The following SLC4A10 variants were observed in gnomAD, a reference collection of about 807,000 sequenced individuals.
SLC4A10 encodes the protein sodium-driven chloride bicarbonate exchanger.
A neutral mutation model predicts 137.7 loss-of-function variants in SLC4A10; 42 were observed. The observed-to-expected ratio is 0.30, with a 90% CI of 0.24 to 0.39. The LOEUF is 0.39. Among genes scored for constraint, SLC4A10 ranks in the 10% least tolerant of loss-of-function variants. SLC4A10 has a pLI of 1.00. For missense variants in SLC4A10, 925 were observed against 1,355.0 expected, an observed-to-expected ratio of 0.68 and a Z score of 4.98; for synonymous variants, 474 against 464.1, an observed-to-expected ratio of 1.02 and a Z score of -0.27.
intron 1 of SLC4A10, among the ~76,000 whole-genome samples, chr2:161,642,865 C>G (rs1207958711): frequency 6.6e-6 from 1 of 151,970 alleles, no homozygotes; most frequent in Admixed American, 6.6e-5. Context: ...GTTTCAGCCT[C>G]TGGTTTCTTA....
At chr2:161,858,709 C>G (rs956322524) in intron 5 of SLC4A10, among the ~76,000 whole-genome samples, 11 of 152,134 alleles carry the variant, frequency 7.2e-5, no homozygotes, top group African/African-American at 2.7e-4. Flanking sequence ...AATATCCTCT[C>G]TGCAGTGTGT....
intron 1 of SLC4A10, among the ~76,000 whole-genome samples, chr2:161,682,311 A>T (rs2040944410): frequency 6.6e-6 from 1 of 152,282 alleles, no homozygotes; most frequent in East Asian, 1.9e-4. Flanking sequence ...ATTTTCTTCT[A>T]ACATTTATTA....
At chr2:161,858,046 G>A (rs1052818055) in intron 5 of SLC4A10, among the ~76,000 whole-genome samples, 9 of 151,990 alleles carry the variant, frequency 5.9e-5, no homozygotes, top group Non-Finnish European at 1.0e-4. Context: ...ATGATCATTT[G>A]TGGCCATAGT....
chr2:161,630,272 G>A (rs533423031), intron 1 of SLC4A10, among the ~76,000 whole-genome samples: 2 of 151,568 alleles, frequency 1.3e-5, no homozygotes, highest in Non-Finnish European at 3.0e-5. Flanking sequence ...TGCTTATGAG[G>A]GATATTGGTT....
intron 1 of SLC4A10, among the ~76,000 whole-genome samples, chr2:161,640,682 TG>T (rs1390260342): frequency 1.3e-5 from 2 of 148,924 alleles, no homozygotes; most frequent in Non-Finnish European, 3.0e-5. Flanking sequence ...GATGGGGTCT[TG>T]CCATGTTGCT....
rs1420884778 is a variant in SLC4A10 at position 161,964,156 on chromosome 2, T to C, written c.2884T>C (p.Phe962Leu). Residue 962 changes from phenylalanine to leucine, a missense_variant, in exon 22 of 27, where the codon TTC (phenylalanine) becomes CTC (leucine). Coordinates refer to ENST00000446997, the MANE Select transcript of SLC4A10 (RefSeq NM_001178015.2). ...TTAGTTCTTTGATAGGATAAAGCTC[T>C]TCTGGATGCCGGCAAAACATCAACC... ...GIQFFDRIKL[F>L]WMPAKHQPDF... 3.1e-6 allele frequency: 5 copies of C among 1,610,552 alleles called. No homozygotes were observed. Among genetic ancestry groups the C allele is most frequent in the Non-Finnish European group, 4.2e-6 (5 of 1,178,132 alleles).
intron 2 of SLC4A10, among the ~76,000 whole-genome samples, chr2:161,788,158 T>C (rs1327138262): frequency 6.6e-6 from 1 of 152,056 alleles, no homozygotes; most frequent in Non-Finnish European, 1.5e-5. Flanking sequence ...GGTTTCTCGG[T>C]GCCAAGACTC....
At chr2:161,937,035 T>G (rs763898334) in intron 15 of SLC4A10, among the ~76,000 whole-genome samples, 3 of 152,218 alleles carry the variant, frequency 2.0e-5, no homozygotes, top group Non-Finnish European at 2.9e-5. Flanking sequence ...GCAAGTTGTG[T>G]TTCCATTTTC....
intron 11 of SLC4A10, 120 bp from the exon 12 acceptor site, chr2:161,900,791 A>G: frequency 1.5e-6 from 1 of 661,246 alleles, no homozygotes; most frequent in Non-Finnish European, 2.6e-6. Flanking sequence ...GTAAGTACAG[A>G]GCCTGGGTTC....
At chr2:161,860,947 GAAT>G (rs1280399636) in intron 5 of SLC4A10, among the ~76,000 whole-genome samples, 1 of 152,170 alleles carries the variant, frequency 6.6e-6, no homozygotes, top group Non-Finnish European at 1.5e-5. Context: ...GTTGTGATGT[GAAT>G]ATTATATGAA....
intron 15 of SLC4A10, among the ~76,000 whole-genome samples, chr2:161,913,687 G>C (rs888175803): frequency 6.6e-6 from 1 of 151,970 alleles, no homozygotes; most frequent in Non-Finnish European, 1.5e-5. Context: ...GTAACCAAAT[G>C]AATTATAGTG....
At chr2:161,641,575 C>T (rs893376394) in intron 1 of SLC4A10, among the ~76,000 whole-genome samples, 1 of 152,028 alleles carries the variant, frequency 6.6e-6, no homozygotes, top group African/African-American at 2.4e-5. Flanking sequence ...GTAATTGTTT[C>T]ACATTCATTA....
At chr2:161,964,590 T>A (rs1170302346) in intron 22 of SLC4A10, among the ~76,000 whole-genome samples, 1 of 152,184 alleles carries the variant, frequency 6.6e-6, no homozygotes, top group African/African-American at 2.4e-5. Flanking sequence ...ACATTAAAGA[T>A]ACTAGCAAAT....
At chr2:161,893,721 T>G (rs1240162877) in intron 10 of SLC4A10, among the ~76,000 whole-genome samples, 1 of 151,354 alleles carries the variant, frequency 6.6e-6, no homozygotes, top group South Asian at 2.1e-4. Flanking sequence ...ATCAAAAATA[T>G]TCGAGGGGGG....
chr2:161,899,844 A>C (rs970879425), intron 11 of SLC4A10, among the ~76,000 whole-genome samples: 1 of 152,136 alleles, frequency 6.6e-6, no homozygotes, highest in Non-Finnish European at 1.5e-5. Context: ...CTTTAGTCTT[A>C]CTGCGTCCAT....
chr2:161,770,295 A>G (rs1476031192), intron 1 of SLC4A10, among the ~76,000 whole-genome samples: 1 of 151,954 alleles, frequency 6.6e-6, no homozygotes, highest in Non-Finnish European at 1.5e-5. Context: ...TTTTTTGAGT[A>G]CCAAATTAGT....
rs1189183204 is a variant in SLC4A10, at chr2:161,933,197, TTCTTTC to T, written c.1998-9593_1998-9588del. ...CCCCTTCCTTCTTTTCTTTCTTTCT[TTCTTTC>T]TTTCTTTCTTTCTTTCTTTCTTTCT... On this transcript the variant is annotated intron_variant, in intron 15 of 26. Transcript: ENST00000446997. Among the ~76,000 whole-genome samples, 11 of 117,166 alleles carry T rather than the reference TTCTTTC, an allele frequency of 9.4e-5. No homozygotes were observed. The East Asian group carries it at 1.8e-3, about 20-fold the overall frequency. The allele number at this position is 117,166 out of a possible 152,430, so 76.9% of individuals were successfully genotyped here.
chr2:161,792,418 T>C (rs1486499318), intron 2 of SLC4A10, among the ~76,000 whole-genome samples: 1 of 152,118 alleles, frequency 6.6e-6, no homozygotes, highest in African/African-American at 2.4e-5. Context: ...ATATTAACAC[T>C]ATATTTTTGT....
chr2:161,628,509 TTAATG>T (rs1414968329), intron 1 of SLC4A10, among the ~76,000 whole-genome samples: 4 of 152,066 alleles, frequency 2.6e-5, no homozygotes, highest in African/African-American at 9.7e-5. Flanking sequence ...TAAAAAGTCT[TTAATG>T]TAATTAAATC....
Sources: allele counts gnomAD v4.1 joint callset (sites outside exome capture counted in the v4.1 genomes callset), GRCh38; gene constraint gnomAD v4.1.1; transcripts MANE v1.5; gene names NCBI Gene and HGNC (gene_info 2026-07-23, HGNC 2026-07-21).